The following ATP11A variants were observed in gnomAD, a reference collection of about 807,000 sequenced individuals.
ATP11A encodes the protein ATPase phospholipid transporting 11A, also known as phospholipid-transporting ATPase IH.
Under a neutral mutation model 154.4 loss-of-function variants are expected in ATP11A, and 81 were observed. That is an observed-to-expected ratio of 0.52 (90% CI 0.44 to 0.63). The LOEUF (loss-of-function observed/expected upper bound fraction) is 0.63, where lower values mean the gene tolerates loss of function less well. ATP11A is among the 30% of genes least tolerant of loss of function. The pLI is 0.00. For synonymous variants in ATP11A, 623 were observed against 585.9 expected (o/e 1.06, Z -0.91); for missense variants, 1,316 against 1,474.3 (o/e 0.89, Z 1.76).
At chr13:112,848,361 T>C (rs950632253) in intron 17 of ATP11A, among the ~76,000 whole-genome samples, 19 of 152,228 alleles carry the variant, frequency 1.2e-4, no homozygotes, top group Non-Finnish European at 2.8e-4. Context: ...AATTTCCTTT[T>C]CATATTGTTC....
chr13:112,864,277 G>A (rs1410318737), intron 25 of ATP11A, among the ~76,000 whole-genome samples: 2 of 108,578 alleles, frequency 1.8e-5, no homozygotes, highest in African/African-American at 7.1e-5. Context: ...CACCTGCGCA[G>A]TAATTCAGTG....
At chr13:112,816,678 T>G (rs1445684493) in intron 6 of ATP11A, among the ~76,000 whole-genome samples, 2 of 152,204 alleles carry the variant, frequency 1.3e-5, no homozygotes, top group African/African-American at 4.8e-5. Flanking sequence ...GTTGGGTTTT[T>G]GGACAGTTCA....
intron 1 of ATP11A, among the ~76,000 whole-genome samples, chr13:112,766,014 A>G (rs1022101667): frequency 3.3e-5 from 5 of 152,146 alleles, no homozygotes; most frequent in African/African-American, 1.2e-4. Context: ...TTCTTGGGAT[A>G]CGGTCGGGGG....
At chr13:112,805,119 G>A in intron 3 of ATP11A, 73 bp downstream of exon 3, 2 of 1,100,028 alleles carry the variant, frequency 1.8e-6, no homozygotes, top group Non-Finnish European at 2.6e-6. Flanking sequence ...TCAGGTAACT[G>A]CCACACGGCT....
chr13:112,691,137 G>A (rs1885112472), intron 1 of ATP11A, among the ~76,000 whole-genome samples: 1 of 152,146 alleles, frequency 6.6e-6, no homozygotes, highest in South Asian at 2.1e-4. Flanking sequence ...TACACCAGAG[G>A]AGGGGAAACC....
chr13:112,847,229 A>G (rs371129142), intron 17 of ATP11A, among the ~76,000 whole-genome samples: 1 of 152,250 alleles, frequency 6.6e-6, no homozygotes, highest in Non-Finnish European at 1.5e-5. Flanking sequence ...AGAAGTTAAA[A>G]TAAGTAGAAA....
intron 25 of ATP11A, among the ~76,000 whole-genome samples, chr13:112,869,355 C>G (rs1315751167): frequency 6.6e-6 from 1 of 152,230 alleles, no homozygotes; most frequent in African/African-American, 2.4e-5. Context: ...ACCAGGCATC[C>G]TGAGGCCTAA....
Position 112,753,243 on chromosome 13 carries a change from C to T in ATP11A, c.40-31892C>T, listed in dbSNP as rs1213086757. ...TGGACTCAACCTCCCCCGCCCCTGG[C>T]CGCCCCACATCATGGACAGCTGGGC... On this transcript the variant is annotated intron_variant, in intron 1 of 29. Transcript: ENST00000375645. The surrounding 1 kb of genome is among the most constrained non-coding windows in gnomAD (Gnocchi z 4.1). 6.6e-6 allele frequency among the ~76,000 whole-genome samples: 1 copy of T among 152,210 alleles called. No homozygotes were observed. Among genetic ancestry groups the T allele is most frequent in the Non-Finnish European group, 1.5e-5 (1 of 68,036 alleles).
At chr13:112,818,119 G>A (rs911700275) in intron 6 of ATP11A, among the ~76,000 whole-genome samples, 1 of 152,100 alleles carries the variant, frequency 6.6e-6, no homozygotes, top group Non-Finnish European at 1.5e-5. Context: ...ACGGAACAGT[G>A]ACCGTTTGTG....
chr13:112,807,889 T>C lies in ATP11A; in HGVS notation c.333+1596T>C, dbSNP rs2078367670. ...AGGGGCTGAGGCTCTATGGCTCTGT[T>C]CTTTCCAGCCTGGCCCCAGGAGGCA... On this transcript the variant is annotated intron_variant, in intron 4 of 29. Transcript: ENST00000375645. The surrounding 1 kb of genome is among the most constrained non-coding windows in gnomAD (Gnocchi z 4.5). 1.3e-5 allele frequency among the ~76,000 whole-genome samples: 2 copies of C among 152,238 alleles called. No individual in the cohort carries two copies. The highest frequency in any genetic ancestry group is 4.1e-4 in the South Asian group (2 of 4,820).
At chr13:112,778,378 C>T (rs2077398290) in intron 1 of ATP11A, among the ~76,000 whole-genome samples, 1 of 152,218 alleles carries the variant, frequency 6.6e-6, no homozygotes, top group Admixed American at 6.5e-5. Context: ...GGCAACAGGG[C>T]CAAAACCTTG....
At chr13:112,709,836 T>C (rs1273177567) in intron 1 of ATP11A, among the ~76,000 whole-genome samples, 1 of 152,286 alleles carries the variant, frequency 6.6e-6, no homozygotes, top group African/African-American at 2.4e-5. Context: ...TGGCTCAGAA[T>C]AAATCTCTTC....
chr13:112,718,184 C>T (rs1304558929), intron 1 of ATP11A, among the ~76,000 whole-genome samples: 1 of 151,864 alleles, frequency 6.6e-6, no homozygotes, highest in Non-Finnish European at 1.5e-5. Flanking sequence ...AGTCTTTTTG[C>T]TTGAATTTAT....
chr13:112,807,010 G>A lies in ATP11A; in HGVS notation c.333+717G>A, dbSNP rs1269706664. On this transcript the variant is annotated intron_variant, in intron 4 of 29. Coordinates refer to ENST00000375645, the MANE Select transcript of ATP11A (RefSeq NM_015205.3). The surrounding 1 kb of genome is among the most constrained non-coding windows in gnomAD (Gnocchi z 4.5). ...GAGTCACGGTCCCCTGCACATACCT[G>A]GCATTTTGTGTATCACGCGTCCTCT... 6.6e-6 allele frequency among the ~76,000 whole-genome samples: 1 copy of A among 152,218 alleles called. No individual in the cohort carries two copies. The highest frequency in any genetic ancestry group is 1.5e-5 in the Non-Finnish European group (1 of 68,040).
chr13:112,825,160 G>T (rs1227305699), intron 10 of ATP11A, among the ~76,000 whole-genome samples: 1 of 152,212 alleles, frequency 6.6e-6, no homozygotes, highest in Non-Finnish European at 1.5e-5. Flanking sequence ...CAGAAGCATG[G>T]TCCGCAGTGT....
At position 112,770,069 on chromosome 13, in the gene ATP11A, T is replaced by C. The variant is rs1013947377; in HGVS notation, c.40-15066T>C. Among the ~76,000 whole-genome samples, 5 of 152,346 alleles carry C rather than the reference T, an allele frequency of 3.3e-5. No homozygotes were observed. In the South Asian group the frequency reaches 1.0e-3, roughly 32 times the overall value. On this transcript the variant is annotated intron_variant, in intron 1 of 29. Coordinates refer to ENST00000375645, the MANE Select transcript of ATP11A (RefSeq NM_015205.3). ...TGGACGTGCTGTGGGCTCCAAGCGA[T>C]GCTTTGGTCACCGGCTCTTTTCCTC...
intron 1 of ATP11A, among the ~76,000 whole-genome samples, chr13:112,756,065 C>T (rs2076823502): frequency 6.6e-6 from 1 of 152,390 alleles, no homozygotes; most frequent in South Asian, 2.1e-4. Context: ...AGAGCAGATT[C>T]TAGAATCATT....
intron 25 of ATP11A, among the ~76,000 whole-genome samples, chr13:112,868,366 T>C (rs536250616): frequency 6.6e-6 from 1 of 152,206 alleles, no homozygotes; most frequent in Admixed American, 6.5e-5. Flanking sequence ...GGGTCTGGTC[T>C]GAGGACTTTT....
intron 25 of ATP11A, among the ~76,000 whole-genome samples, chr13:112,870,125 AG>A (rs1467900827): frequency 2.0e-5 from 3 of 152,162 alleles, no homozygotes; most frequent in African/African-American, 7.2e-5. Flanking sequence ...AGCCAGAAGG[AG>A]GAGGCCCACT....
Sources: allele counts gnomAD v4.1 joint callset (sites outside exome capture counted in the v4.1 genomes callset), GRCh38; gene constraint gnomAD v4.1.1; non-coding constraint Gnocchi (gnomAD v3.1); transcripts MANE v1.5; gene names NCBI Gene and HGNC (gene_info 2026-07-23, HGNC 2026-07-21).